LMBR1: variants seen among roughly 807,000 people sequenced by gnomAD.
LMBR1 encodes limb region 1 protein homolog.
A neutral mutation model predicts 73.9 loss-of-function variants in LMBR1; 52 were observed. That is an observed-to-expected ratio of 0.70 (90% CI 0.56 to 0.89). LMBR1 has a LOEUF of 0.89. Ranked by LOEUF, LMBR1 falls within the 40% of genes least tolerant of loss-of-function variation. The pLI is 0.00. For missense variants in LMBR1, 539 were observed against 579.8 expected (o/e 0.93, Z 0.72); for synonymous variants, 215 against 209.4 (o/e 1.03, Z -0.23).
chr7:156,817,565 A>C (rs1156322052), intron 4 of LMBR1, among the ~76,000 whole-genome samples: 1 of 152,154 alleles, frequency 6.6e-6, no homozygotes, highest in Non-Finnish European at 1.5e-5. Flanking sequence ...CTTCAGAATT[A>C]GAATAGCCTC....
chr7:156,888,647 T>C (rs1001521195), intron 1 of LMBR1, among the ~76,000 whole-genome samples: 2 of 150,662 alleles, frequency 1.3e-5, no homozygotes, highest in African/African-American at 4.9e-5. Context: ...GCCAGGCACG[T>C]TGGCTCCCGC....
chr7:156,700,855 C>A (rs4333462), intron 15 of LMBR1, among the ~76,000 whole-genome samples: 112,069 of 152,046 alleles, frequency 0.74, 42,343 homozygotes, highest in African/African-American at 0.92. Context: ...CATGCTGCTG[C>A]TAAAGACACA....
In LMBR1 at chr7:156,873,030, G is replaced by A. The variant is rs371194213; in HGVS notation, c.66+19898C>T. Among the ~76,000 whole-genome samples the A allele has an allele frequency of 7.3e-5, 11 of 151,328 alleles. No individual in the cohort carries two copies. In the South Asian group the frequency reaches 2.1e-3, roughly 29 times the overall value. On this transcript the variant is annotated intron_variant, in intron 1 of 16. Transcript: ENST00000353442. ...AGCTCTTAAGGTGGCGCGTTGGCAC[G>A]TCTGGAGTCTGTCCCTTCGTGGTCG...
At chr7:156,723,405 G>A (rs1815031422) in intron 15 of LMBR1, among the ~76,000 whole-genome samples, 1 of 152,054 alleles carries the variant, frequency 6.6e-6, no homozygotes, top group South Asian at 2.1e-4. Flanking sequence ...CCTAAGTCTA[G>A]AGAATTAGAT....
At chr7:156,725,279 C>A in intron 14 of LMBR1, among the ~76,000 whole-genome samples, 156 bp downstream of exon 14, 1 of 152,190 alleles carries the variant, frequency 6.6e-6, no homozygotes, top group Admixed American at 6.5e-5. Flanking sequence ...CCCTTTCCCA[C>A]TCACTCAGCA....
Position 156,682,410 on chromosome 7 carries a change from C to T in LMBR1, c.*1668G>A, listed in dbSNP as rs1413728683. ...AAATCAAACCTGGCAATTAATACTT[C>T]AATAGGCATAACAATGAAATTGGAA... On this transcript the variant is annotated 3_prime_UTR_variant, in exon 17 of 17. Coordinates refer to ENST00000353442, the MANE Select transcript of LMBR1 (RefSeq NM_022458.4). 6.6e-6 allele frequency: 1 copy of T among 152,104 alleles called. No individual in the cohort carries two copies. Among genetic ancestry groups the T allele is most frequent in the Non-Finnish European group, 1.5e-5 (1 of 68,034 alleles). The allele number at this position is 152,104 out of a possible 1,614,324, so 9.4% of individuals were successfully genotyped here.
At chr7:156,702,163 T>C (rs1420317942) in intron 15 of LMBR1, among the ~76,000 whole-genome samples, 1 of 152,226 alleles carries the variant, frequency 6.6e-6, no homozygotes, top group African/African-American at 2.4e-5. Context: ...CTGGGTCAAA[T>C]GGTATTTCTG....
intron 4 of LMBR1, chr7:156,823,204 CCTAT>C (rs1218452732): frequency 9.3e-5 from 14 of 150,902 alleles, no homozygotes; most frequent in South Asian, 2.1e-4. Context: ...ATTAAAATGT[CCTAT>C]CTGACTAAAA....
chr7:156,827,856 A>C (rs1329544531), intron 3 of LMBR1, among the ~76,000 whole-genome samples: 2 of 152,186 alleles, frequency 1.3e-5, no homozygotes, highest in Non-Finnish European at 2.9e-5. Flanking sequence ...TGGTTTAGTA[A>C]ATCAATTATA....
At chr7:156,712,811 C>T (rs1417840929) in intron 15 of LMBR1, among the ~76,000 whole-genome samples, 1 of 152,078 alleles carries the variant, frequency 6.6e-6, no homozygotes, top group Non-Finnish European at 1.5e-5. Flanking sequence ...ATAATGCATT[C>T]ACATGGATGT....
Position 156,680,032 on chromosome 7 carries a change from T to C in LMBR1, c.*4046A>G, listed in dbSNP as rs1405273325. 2.6e-5 allele frequency: 4 copies of C among 152,296 alleles called. No individual in the cohort carries two copies. Among genetic ancestry groups the C allele is most frequent in the African/African-American group, 9.6e-5 (4 of 41,558 alleles). The allele number at this position is 152,296 out of a possible 1,614,324, so 9.4% of individuals were successfully genotyped here. A position where few individuals can be genotyped will look rare whatever the true frequency, so the allele number is the denominator to read the frequency against. On this transcript the variant is annotated 3_prime_UTR_variant, in exon 17 of 17. Coordinates refer to ENST00000353442, the MANE Select transcript of LMBR1 (RefSeq NM_022458.4). ...AAATTTTGTATATATTTGTGAGTTT[T>C]AGGAACTTCTCCTGATATTACATTT...
intron 3 of LMBR1, among the ~76,000 whole-genome samples, chr7:156,830,102 T>C (rs888674202): frequency 2.0e-5 from 3 of 152,218 alleles, no homozygotes; most frequent in African/African-American, 7.2e-5. Context: ...TGACCTTCTA[T>C]GACATTTCAA....
intron 1 of LMBR1, among the ~76,000 whole-genome samples, chr7:156,853,250 A>AT (rs1480029582): frequency 1.3e-5 from 2 of 152,062 alleles, no homozygotes; most frequent in African/African-American, 4.8e-5. Flanking sequence ...ATAATGCTTC[A>AT]TTTTTTATTG....
At chr7:156,675,679 C>G (rs575702477), downstream of LMBR1, 7 of 1,596,542 alleles carry the variant, frequency 4.4e-6, no homozygotes, top group African/African-American at 4.0e-5. Flanking sequence ...GCTTACCCGC[C>G]CCCGCCTCCT....
At chr7:156,696,718 C>T (rs894968882) in intron 15 of LMBR1, among the ~76,000 whole-genome samples, 1 of 152,190 alleles carries the variant, frequency 6.6e-6, no homozygotes, top group African/African-American at 2.4e-5. Context: ...CTGAATCCCT[C>T]CCACAGCATG....
At chr7:156,799,295 T>C (rs1301645756) in intron 4 of LMBR1, among the ~76,000 whole-genome samples, 1 of 152,220 alleles carries the variant, frequency 6.6e-6, no homozygotes, top group Non-Finnish European at 1.5e-5. Flanking sequence ...TGACGGTTTG[T>C]GACAACTCTG....
intron 5 of LMBR1, among the ~76,000 whole-genome samples, chr7:156,785,677 GTAGAATA>G (rs1383731482): frequency 2.0e-5 from 3 of 152,144 alleles, no homozygotes; most frequent in Non-Finnish European, 4.4e-5. Context: ...CTCCATACCT[GTAGAATA>G]AATCTGAGCA....
chr7:156,790,672 A>G (rs1242991834), intron 5 of LMBR1, among the ~76,000 whole-genome samples: 1 of 152,024 alleles, frequency 6.6e-6, no homozygotes, highest in Admixed American at 6.5e-5. Context: ...CTATAAAGCC[A>G]TAATTTAGTG....
rs1554457007 is a variant in LMBR1 at position 156,680,937 on chromosome 7, T to C, written c.*3141A>G. ...CATTTAAAAAGTCACACTAAAAGTA[T>C]CTCATAGAAACAAAGACTAACAATT... On this transcript the variant is annotated 3_prime_UTR_variant, in exon 17 of 17. Transcript: ENST00000353442. 1 of 266,258 alleles carries C rather than the reference T, an allele frequency of 3.8e-6. No individual in the cohort carries two copies. Among genetic ancestry groups the C allele is most frequent in the Non-Finnish European group, 7.2e-6 (1 of 139,106 alleles). The allele number at this position is 266,258 out of a possible 1,614,324, so 16.5% of individuals were successfully genotyped here. A position where few individuals can be genotyped will look rare whatever the true frequency, so the allele number is the denominator to read the frequency against.
Sources: gnomAD v4.1 joint callset for allele counts (sites outside exome capture counted in the v4.1 genomes callset) on GRCh38, gnomAD v4.1.1 for gene constraint, MANE v1.5 for transcripts, NCBI Gene and HGNC (gene_info 2026-07-23, HGNC 2026-07-21) for gene names.